IGF2BP3: variants seen among roughly 807,000 people sequenced by gnomAD.
The protein encoded by IGF2BP3 is insulin like growth factor 2 mRNA binding protein 3.
In IGF2BP3, 9 loss-of-function variants were observed where a neutral mutation model predicts 73.8. That is an observed-to-expected ratio of 0.12 (90% CI 0.07 to 0.21). The LOEUF (loss-of-function observed/expected upper bound fraction) is 0.21, where lower values mean the gene tolerates loss of function less well. Among genes scored for constraint, IGF2BP3 ranks in the 10% least tolerant of loss-of-function variants. The probability of loss-of-function intolerance (pLI) is 1.00; values close to 1 mark genes in which losing one functional copy is unlikely to be tolerated. For missense variants in IGF2BP3, 542 were observed against 714.0 expected, an observed-to-expected ratio of 0.76 and a Z score of 2.75; for synonymous variants, 258 against 256.7, an observed-to-expected ratio of 1.01 and a Z score of -0.05.
intron 2 of IGF2BP3, among the ~76,000 whole-genome samples, chr7:23,424,268 G>T (rs1009679742): frequency 2.0e-5 from 3 of 151,490 alleles, no homozygotes; most frequent in Admixed American, 6.6e-5. Context: ...GGAGGCTGAG[G>T]TCGGGGGAAT....
intron 3 of IGF2BP3, among the ~76,000 whole-genome samples, chr7:23,377,304 T>C (rs977319979): frequency 1.2e-4 from 18 of 152,168 alleles, no homozygotes; most frequent in African/African-American, 4.3e-4. Flanking sequence ...AACCCATTTT[T>C]TTATGCAGAG....
chr7:23,313,546 T>A lies in IGF2BP3; in HGVS notation c.1503A>T (p.Arg501Ser), dbSNP rs187762001. The A allele has an allele frequency of 6.2e-7, 1 of 1,614,098 alleles. No individual in the cohort carries two copies. The highest frequency in any genetic ancestry group is 8.5e-7 in the Non-Finnish European group (1 of 1,180,030). ...CCGTTTTGCCTCCTTTTCCAATAAC[T>A]CTGCCAGCAGCAAAGGATGGCACTC... ...HIRVPSFAAG[R>S]VIGKGGKTVN... The change falls in exon 13 of 15, where the codon AGA (arginine) becomes AGT (serine). Residue 501 changes from arginine (R) to serine (S), a missense_variant. Arg to Ser is a moderately radical substitution (Grantham distance 110, BLOSUM62 -1). Transcript: ENST00000258729.
intron 2 of IGF2BP3, among the ~76,000 whole-genome samples, chr7:23,467,591 A>C (rs1163836867): frequency 2.6e-5 from 4 of 152,212 alleles, no homozygotes; most frequent in Non-Finnish European, 5.9e-5. Flanking sequence ...TGAAGGTTTT[A>C]AAAAACAAAA....
At chr7:23,413,007 G>A (rs987828228) in intron 3 of IGF2BP3, among the ~76,000 whole-genome samples, 6 of 150,806 alleles carry the variant, frequency 4.0e-5, no homozygotes, top group African/African-American at 1.5e-4. Flanking sequence ...TTACAAGCCT[G>A]TGCCACCACA....
At chr7:23,374,781 A>C (rs978806289) in intron 3 of IGF2BP3, among the ~76,000 whole-genome samples, 23 of 152,128 alleles carry the variant, frequency 1.5e-4, no homozygotes, top group Non-Finnish European at 2.9e-4. Flanking sequence ...GTTCTTTTCT[A>C]TATTCCCTAA....
intron 3 of IGF2BP3, among the ~76,000 whole-genome samples, chr7:23,366,666 A>C (rs1327198759): frequency 1.3e-5 from 2 of 152,104 alleles, no homozygotes; most frequent in African/African-American, 4.8e-5. Context: ...AACACAACTT[A>C]GGAGATTTTA....
At chr7:23,371,704 G>C (rs1332964840) in intron 3 of IGF2BP3, among the ~76,000 whole-genome samples, 1 of 152,158 alleles carries the variant, frequency 6.6e-6, no homozygotes, top group Non-Finnish European at 1.5e-5. Context: ...AAAAGCCCCA[G>C]AGGGAAGCTC....
intron 5 of IGF2BP3, among the ~76,000 whole-genome samples, chr7:23,354,706 G>A (rs1039169123): frequency 1.3e-5 from 2 of 152,162 alleles, no homozygotes; most frequent in Non-Finnish European, 2.9e-5. Flanking sequence ...GTGGGGAAAA[G>A]AAAAGATTCT....
intron 10 of IGF2BP3, among the ~76,000 whole-genome samples, chr7:23,334,989 T>C (rs148294084): frequency 6.6e-6 from 1 of 151,536 alleles, no homozygotes; most frequent in African/African-American, 2.4e-5. Context: ...TTTTTGTTGT[T>C]GTTTTTAAAT....
rs189191249 is a variant in IGF2BP3, at chr7:23,340,206, G to A, written c.1203+1858C>T. ...ACATGCCAGCCACTTCAGGGGGCACGTAATGAATCTATGCACACTTCACTT... is the reference window on the plus strand; with the variant it reads ...ACATGCCAGCCACTTCAGGGGGCACATAATGAATCTATGCACACTTCACTT... On this transcript the variant is annotated intron_variant, in intron 10 of 14. Coordinates refer to ENST00000258729, the MANE Select transcript of IGF2BP3 (RefSeq NM_006547.3). 9.9e-5 allele frequency among the ~76,000 whole-genome samples: 15 copies of A among 152,132 alleles called. No homozygotes were observed. The East Asian group carries it at 1.2e-3, about 12-fold the overall frequency.
intron 3 of IGF2BP3, among the ~76,000 whole-genome samples, chr7:23,395,342 G>A (rs1786417383): frequency 6.6e-6 from 1 of 152,118 alleles, no homozygotes; most frequent in African/African-American, 2.4e-5. Flanking sequence ...ATCCCTGCTA[G>A]TGAAGGGCCA....
At chr7:23,397,854 G>A (rs959829192) in intron 3 of IGF2BP3, among the ~76,000 whole-genome samples, 1 of 152,118 alleles carries the variant, frequency 6.6e-6, no homozygotes, top group African/African-American at 2.4e-5. Context: ...ATGGCAAAAG[G>A]GACTTTGAGG....
chr7:23,401,073 A>G (rs954255794), intron 3 of IGF2BP3, among the ~76,000 whole-genome samples: 1 of 152,236 alleles, frequency 6.6e-6, no homozygotes, highest in African/African-American at 2.4e-5. Context: ...CTGGAATTAC[A>G]GGTGTGAGCT....
intron 3 of IGF2BP3, among the ~76,000 whole-genome samples, chr7:23,381,949 A>T (rs571009476): frequency 1.3e-4 from 20 of 152,168 alleles, no homozygotes; most frequent in Non-Finnish European, 2.6e-4. Flanking sequence ...TAACATTTGC[A>T]CTGTTCATTA....
chr7:23,397,033 C>T (rs1786497943), intron 3 of IGF2BP3, among the ~76,000 whole-genome samples: 1 of 152,186 alleles, frequency 6.6e-6, no homozygotes, highest in South Asian at 2.1e-4. Flanking sequence ...AAAGTCCCTA[C>T]CCTGTCTTCC....
chr7:23,314,405 C>CG (rs1429159316), intron 12 of IGF2BP3, among the ~76,000 whole-genome samples: 1 of 151,356 alleles, frequency 6.6e-6, no homozygotes, highest in African/African-American at 2.4e-5. Flanking sequence ...AGGCTGGTCT[C>CG]GAACTCCTGA....
intron 5 of IGF2BP3, among the ~76,000 whole-genome samples, chr7:23,355,812 A>G (rs1250839064): frequency 1.3e-5 from 2 of 152,046 alleles, no homozygotes; most frequent in Non-Finnish European, 2.9e-5. Context: ...GTGAGCCTAT[A>G]ATTCCAGCTA....
At chr7:23,352,605 CTTTAT>C (rs1022195566) in intron 5 of IGF2BP3, among the ~76,000 whole-genome samples, 4 of 151,978 alleles carry the variant, frequency 2.6e-5, no homozygotes, top group Admixed American at 1.3e-4. Context: ...CATTCTTGAT[CTTTAT>C]TTTAACATGC....
In IGF2BP3 at chr7:23,312,805, G is replaced by A; in HGVS notation, c.1571C>T (p.Pro524Leu). 1 of 1,612,944 alleles carries A rather than the reference G, an allele frequency of 6.2e-7. No individual in the cohort carries two copies. Among genetic ancestry groups the A allele is most frequent in the Non-Finnish European group, 8.5e-7 (1 of 1,179,720 alleles). The change falls in exon 14 of 15, where the codon CCT becomes CTT. Residue 524 changes from proline to leucine, a missense_variant. Around this residue, in one of 2 missense-constraint regions of IGF2BP3, gnomAD observed 303 missense variants for 472.1 expected, o/e 0.64. Transcript: ENST00000258729. ...ATTCTCATCAGGTGTCTGGTCACGA[G>A]GGACAACAACTTCTGCACTTGACAA... ...QNLSSAEVVVPRDQTPDENDQ... is the reference protein window; with the variant it reads ...QNLSSAEVVVLRDQTPDENDQ...
Sources: allele counts gnomAD v4.1 joint callset (sites outside exome capture counted in the v4.1 genomes callset), GRCh38; gene constraint gnomAD v4.1.1; regional missense constraint gnomAD v4.1.1; transcripts MANE v1.5; gene names NCBI Gene and HGNC (gene_info 2026-07-23, HGNC 2026-07-21).